Variants in TANC2 observed in about 807,000 individuals in gnomAD.
The protein encoded by TANC2 is tetratricopeptide repeat, ankyrin repeat and coiled-coil containing 2.
Under a neutral mutation model 210.5 loss-of-function variants are expected in TANC2, and 26 were observed. That is an observed-to-expected ratio of 0.12 (90% CI 0.09 to 0.17). The LOEUF is 0.17. TANC2 is among the 10% of genes least tolerant of loss of function. The pLI is 1.00. For missense variants in TANC2, 2,129 were observed against 2,608.9 expected (o/e 0.82, Z 4.01); for synonymous variants, 931 against 967.1 (o/e 0.96, Z 0.69).
intron 9 of TANC2, among the ~76,000 whole-genome samples, chr17:63,310,680 A>C (rs527514057): frequency 1.3e-5 from 2 of 152,232 alleles, no homozygotes; most frequent in African/African-American, 4.8e-5. Context: ...ACATGTTTTT[A>C]AAAAATCACC....
At chr17:63,139,148 C>T (rs4968754) in intron 4 of TANC2, among the ~76,000 whole-genome samples, 91,143 of 152,132 alleles carry the variant, frequency 0.6, 29,782 homozygotes, top group African/African-American at 0.86. Context: ...TAACTTATTA[C>T]TTTCTCTGTT....
chr17:63,066,445 G>A (rs146249965), intron 2 of TANC2, among the ~76,000 whole-genome samples: 1 of 152,158 alleles, frequency 6.6e-6, no homozygotes, highest in East Asian at 1.9e-4. Flanking sequence ...CAGGCGTGGA[G>A]GCTAGGTTTA....
chr17:63,040,933 A>T (rs1334441562), intron 2 of TANC2, among the ~76,000 whole-genome samples: 2 of 152,166 alleles, frequency 1.3e-5, no homozygotes, highest in Non-Finnish European at 2.9e-5. Context: ...CTTTTAAAAG[A>T]TTTGCAAAGG....
intron 2 of TANC2, among the ~76,000 whole-genome samples, chr17:63,051,296 C>G (rs1225615968): frequency 6.6e-6 from 1 of 152,000 alleles, no homozygotes; most frequent in Non-Finnish European, 1.5e-5. Context: ...TCTAAGTGAC[C>G]TTTTCTTTCA....
intron 1 of TANC2, among the ~76,000 whole-genome samples, chr17:62,981,273 C>T (rs1332847689): frequency 6.6e-6 from 1 of 152,118 alleles, no homozygotes; most frequent in Non-Finnish European, 1.5e-5. Flanking sequence ...ATAATCTTCC[C>T]ACCACCTGCA....
chr17:63,294,371 G>A (rs1310663055), intron 9 of TANC2, among the ~76,000 whole-genome samples: 1 of 152,112 alleles, frequency 6.6e-6, no homozygotes, highest in Non-Finnish European at 1.5e-5. Flanking sequence ...AGCTACAGGA[G>A]GCTGAAATGG....
At chr17:63,262,756 A>G (rs374614562) in intron 8 of TANC2, among the ~76,000 whole-genome samples, 1 of 152,106 alleles carries the variant, frequency 6.6e-6, no homozygotes, top group African/African-American at 2.4e-5. Flanking sequence ...CACCCCCTGC[A>G]TCTTGGCCTA....
chr17:63,000,208 T>C (rs370954828), intron 1 of TANC2, among the ~76,000 whole-genome samples: 16 of 152,288 alleles, frequency 1.1e-4, no homozygotes, highest in African/African-American at 3.6e-4. Flanking sequence ...AATCTGCCCA[T>C]GTCCCCTTGA....
intron 5 of TANC2, among the ~76,000 whole-genome samples, chr17:63,183,199 A>C (rs1217499066): frequency 6.6e-6 from 1 of 152,238 alleles, no homozygotes; most frequent in Admixed American, 6.5e-5. Context: ...ACCAGCATGG[A>C]TCTGCTTTTC....
chr17:63,115,310 T>TAC (rs796245018), intron 4 of TANC2, among the ~76,000 whole-genome samples: 160 of 152,292 alleles, frequency 1.1e-3, no homozygotes, highest in African/African-American at 3.7e-3. Flanking sequence ...GTTTTCTAGT[T>TAC]AGGTAGGATA....
At chr17:63,055,985 AAAAAAATATATATATATATATATATATAT>A (rs1179315414) in intron 2 of TANC2, among the ~76,000 whole-genome samples, 1 of 16,810 alleles carries the variant, frequency 5.9e-5, no homozygotes, top group Non-Finnish European at 1.3e-4. Context: ...AAAAAAAAAA[AAAAAAATATATATATATATATATATATAT>A]ATATATATAT....
intron 12 of TANC2, among the ~76,000 whole-genome samples, chr17:63,342,432 A>G (rs906039986): frequency 1.3e-5 from 2 of 152,166 alleles, no homozygotes; most frequent in African/African-American, 4.8e-5. Context: ...AGATAAGTGA[A>G]TATAGAAACT....
At chr17:63,372,931 G>A (rs947082761) in intron 14 of TANC2, among the ~76,000 whole-genome samples, 3 of 121,412 alleles carry the variant, frequency 2.5e-5, no homozygotes, top group African/African-American at 1.0e-4. Flanking sequence ...GGTCTTGCTC[G>A]TCACCCAGGC....
chr17:63,131,057 C>T (rs1319895455), intron 4 of TANC2: 1 of 152,026 alleles, frequency 6.6e-6, no homozygotes, highest in African/African-American at 2.4e-5. Context: ...GATCACAAGA[C>T]CAAAAACACT....
At chr17:63,041,285 G>C (rs2144261490) in intron 2 of TANC2, among the ~76,000 whole-genome samples, 1 of 152,222 alleles carries the variant, frequency 6.6e-6, no homozygotes, top group African/African-American at 2.4e-5. Context: ...CAAGTTTAGT[G>C]ACAGTAACTA....
exon 28 of TANC2, chr17:63,424,856 AT>A (rs2049107647): frequency 6.6e-6 from 1 of 152,242 alleles, no homozygotes; most frequent in African/African-American, 2.4e-5. Flanking sequence ...CACAACATTT[AT>A]AGCACAAGAA....
intron 2 of TANC2, among the ~76,000 whole-genome samples, chr17:63,055,988 AAAATATATATATATATATATATAT>A (rs1244198158): frequency 6.7e-3 from 60 of 8,972 alleles, no homozygotes; most frequent in Middle Eastern, 0.062. Context: ...AAAAAAAAAA[AAAATATATATATATATATATATAT>A]ATATATATAT....
At chr17:63,327,623 T>C (rs2045692880) in intron 11 of TANC2, among the ~76,000 whole-genome samples, 1 of 152,166 alleles carries the variant, frequency 6.6e-6, no homozygotes, top group Non-Finnish European at 1.5e-5. Flanking sequence ...TATAAAGACA[T>C]GTGTCCATGT....
intron 18 of TANC2, 36 bp downstream of exon 18, chr17:63,395,964 C>A (rs2270133): frequency 0.5 from 784,619 of 1,558,334 alleles, 205,005 homozygotes; most frequent in African/African-American, 0.85. Context: ...TTTTCAAGCT[C>A]TGTATTGAAG....
Sources: gnomAD v4.1 joint callset for allele counts (sites outside exome capture counted in the v4.1 genomes callset) on GRCh38, gnomAD v4.1.1 for gene constraint, MANE v1.5 for transcripts, NCBI Gene and HGNC (gene_info 2026-07-23, HGNC 2026-07-21) for gene names.